Variants in GRM1 observed in about 807,000 individuals in gnomAD.
GRM1 encodes the protein metabotropic glutamate receptor 1.
Under a neutral mutation model 90.9 loss-of-function variants are expected in GRM1, and 33 were observed. The observed-to-expected ratio is 0.36, with a 90% CI of 0.28 to 0.49. GRM1 has a LOEUF of 0.49. Ranked by LOEUF, GRM1 falls within the 20% of genes least tolerant of loss-of-function variation. The pLI is 0.99. For missense variants in GRM1, 1,190 were observed against 1,534.3 expected, an observed-to-expected ratio of 0.78 and a Z score of 3.75; for synonymous variants, 700 against 613.2, an observed-to-expected ratio of 1.14 and a Z score of -2.09.
chr6:146,243,431 A>G (rs1055285722), intron 2 of GRM1, among the ~76,000 whole-genome samples: 4 of 152,064 alleles, frequency 2.6e-5, no homozygotes, highest in Non-Finnish European at 2.9e-5. Flanking sequence ...TGCCTTGAGT[A>G]ATTCTTTCAT....
chr6:146,295,650 TGTG>T (rs1783150951), intron 2 of GRM1, among the ~76,000 whole-genome samples: 1 of 152,206 alleles, frequency 6.6e-6, no homozygotes, highest in Non-Finnish European at 1.5e-5. Context: ...TTAACTCATT[TGTG>T]AATCTGATGT....
chr6:146,202,739 T>A (rs1779343962), intron 2 of GRM1, among the ~76,000 whole-genome samples: 1 of 152,176 alleles, frequency 6.6e-6, no homozygotes, highest in Non-Finnish European at 1.5e-5. Context: ...TCCACTATTG[T>A]TTCTGAGTTG....
intron 1 of GRM1, among the ~76,000 whole-genome samples, chr6:146,054,123 C>T (rs1324229768): frequency 6.6e-6 from 1 of 151,974 alleles, no homozygotes; most frequent in Admixed American, 6.6e-5. Context: ...CCTTGATATT[C>T]CCCTGAATTT....
chr6:146,043,827 C>T (rs1244543647), intron 1 of GRM1, among the ~76,000 whole-genome samples: 2 of 104,824 alleles, frequency 1.9e-5, no homozygotes, highest in African/African-American at 6.3e-5. Context: ...AAGTGACCTC[C>T]TCGTAGGTGT....
At position 146,398,802 on chromosome 6, in the gene GRM1, G is replaced by A; in HGVS notation, c.1763G>A (p.Trp588Ter). Residue 588 changes from tryptophan (W) to a stop codon, truncating the protein, a stop_gained, in exon 7 of 8, where the codon TGG becomes TAG. Coordinates refer to ENST00000282753, the MANE Select transcript of GRM1 (RefSeq NM_001278064.2). LOFTEE classifies it high-confidence loss of function. Reference protein sequence around the residue: ...CEPIPVRYLEWSNIESIIAIA... With the variant: ...CEPIPVRYLE ...CCCATTCCTGTGCGCTATCTTGAGT[G>A]GAGCAACATCGAATCCATTATAGCC... 1 of 1,613,390 alleles carries A rather than the reference G, an allele frequency of 6.2e-7. No individual in the cohort carries two copies. The highest frequency in any genetic ancestry group is 8.5e-7 in the Non-Finnish European group (1 of 1,179,380).
chr6:146,235,315 G>C (rs1451887399), intron 2 of GRM1, among the ~76,000 whole-genome samples: 2 of 151,870 alleles, frequency 1.3e-5, no homozygotes, highest in Non-Finnish European at 2.9e-5. Context: ...TGTTCCTCTA[G>C]ATGTAATATA....
At chr6:146,423,758 C>T (rs758450911) in intron 7 of GRM1, among the ~76,000 whole-genome samples, 3 of 152,264 alleles carry the variant, frequency 2.0e-5, no homozygotes, top group Admixed American at 6.5e-5. Context: ...GGCATCCCCC[C>T]GCCCCTTGTT....
At chr6:146,098,133 C>G (rs1039666462) in intron 1 of GRM1, among the ~76,000 whole-genome samples, 3 of 152,108 alleles carry the variant, frequency 2.0e-5, no homozygotes, top group Non-Finnish European at 2.9e-5. Flanking sequence ...GATTTGACAC[C>G]ATTGTACCAA....
intron 1 of GRM1, among the ~76,000 whole-genome samples, chr6:146,061,107 G>C (rs1775651786): frequency 6.6e-6 from 1 of 152,104 alleles, no homozygotes; most frequent in African/African-American, 2.4e-5. Context: ...AGAGCCATCA[G>C]AAAACATACA....
At chr6:146,038,091 C>A (rs1790957075) in intron 1 of GRM1, among the ~76,000 whole-genome samples, 1 of 151,940 alleles carries the variant, frequency 6.6e-6, no homozygotes, top group Non-Finnish European at 1.5e-5. Flanking sequence ...TATGAATTAA[C>A]CATTTTTTTT....
intron 2 of GRM1, among the ~76,000 whole-genome samples, chr6:146,254,903 C>T (rs920952108): frequency 2.0e-5 from 3 of 152,148 alleles, no homozygotes; most frequent in African/African-American, 4.8e-5. Flanking sequence ...ATATCTGCAG[C>T]CTCTCTCATT....
intron 2 of GRM1, among the ~76,000 whole-genome samples, chr6:146,272,006 C>A (rs1304575065): frequency 6.6e-6 from 1 of 152,136 alleles, no homozygotes; most frequent in Non-Finnish European, 1.5e-5. Context: ...TCCAATAATC[C>A]TCCACGTTCC....
intron 1 of GRM1, among the ~76,000 whole-genome samples, chr6:146,128,429 T>C (rs1776275949): frequency 6.6e-6 from 1 of 152,202 alleles, no homozygotes; most frequent in Admixed American, 6.5e-5. Context: ...GGTACTGCAA[T>C]TATCATCTCT....
intron 2 of GRM1, among the ~76,000 whole-genome samples, chr6:146,168,169 A>G (rs1439599548): frequency 6.6e-6 from 1 of 152,026 alleles, no homozygotes. Context: ...AAATAATGTA[A>G]TATATGTGTG....
rs551255922 is a variant in GRM1 at position 146,061,027 on chromosome 6, A to G, written c.700+30810A>G. Among the ~76,000 whole-genome samples the G allele has an allele frequency of 6.7e-4, 102 of 152,160 alleles. 1 individual carries two copies. The highest frequency in any genetic ancestry group is 1.5e-5 in the Non-Finnish European group (1 of 67,994). Reference sequence around the variant, plus strand: ...GATGTTGACCAATTGGCCTAATTGTACTATTATTGTGTCTCAGTGAAAGGA... The same window carrying G: ...GATGTTGACCAATTGGCCTAATTGTGCTATTATTGTGTCTCAGTGAAAGGA... On this transcript the variant is annotated intron_variant, in intron 1 of 7. Transcript: ENST00000282753.
intron 2 of GRM1, among the ~76,000 whole-genome samples, chr6:146,203,011 C>A (rs553799607): frequency 2.6e-3 from 390 of 151,838 alleles, no homozygotes; most frequent in Non-Finnish European, 4.4e-3. Flanking sequence ...CTGGCTAACA[C>A]GGTGAAACCC....
intron 6 of GRM1, among the ~76,000 whole-genome samples, chr6:146,394,436 T>G (rs1244645500): frequency 6.6e-6 from 1 of 152,112 alleles, no homozygotes; most frequent in Non-Finnish European, 1.5e-5. Flanking sequence ...ATACAAGAAT[T>G]TTATAATGGT....
intron 2 of GRM1, among the ~76,000 whole-genome samples, chr6:146,275,079 C>G (rs1583259236): frequency 6.6e-6 from 1 of 151,536 alleles, no homozygotes; most frequent in Middle Eastern, 3.4e-3. Context: ...GGCACTTGGC[C>G]AAAAAATGTC....
chr6:146,066,491 A>G (rs546337405), intron 1 of GRM1, among the ~76,000 whole-genome samples: 1 of 152,182 alleles, frequency 6.6e-6, no homozygotes, highest in South Asian at 2.1e-4. Flanking sequence ...TGTCTTTGCC[A>G]TTGTGAATAC....
Sources: gnomAD v4.1 joint callset for allele counts (sites outside exome capture counted in the v4.1 genomes callset) on GRCh38, gnomAD v4.1.1 for gene constraint, MANE v1.5 for transcripts, NCBI Gene and HGNC (gene_info 2026-07-23, HGNC 2026-07-21) for gene names.